Variants in SGCZ observed in about 807,000 individuals in gnomAD.
The protein encoded by SGCZ is sarcoglycan zeta.
In SGCZ, 40 loss-of-function variants were observed where a neutral mutation model predicts 41.3. That is an observed-to-expected ratio of 0.97 (90% CI 0.75 to 1.26). The LOEUF (loss-of-function observed/expected upper bound fraction) is 1.26. Ranked by LOEUF, SGCZ falls within the 50% of genes most tolerant of loss-of-function variation. The pLI is 0.00. For missense variants in SGCZ, 552 were observed against 369.8 expected, an observed-to-expected ratio of 1.49 and a Z score of -4.04; for synonymous variants, 206 against 137.5, an observed-to-expected ratio of 1.50 and a Z score of -3.49.
At chr8:14,705,326 G>A (rs180887442) in intron 1 of SGCZ, among the ~76,000 whole-genome samples, 1 of 152,048 alleles carries the variant, frequency 6.6e-6, no homozygotes, top group Non-Finnish European at 1.5e-5. Flanking sequence ...CAGGCACTTT[G>A]AAGTTTGACA....
intron 4 of SGCZ, among the ~76,000 whole-genome samples, chr8:14,212,270 A>T (rs1322667100): frequency 6.6e-6 from 1 of 152,032 alleles, no homozygotes; most frequent in African/African-American, 2.4e-5. Flanking sequence ...CAAGAGAAAA[A>T]GGCTAGTGAA....
chr8:14,441,664 CA>C (rs1293328863), intron 2 of SGCZ, among the ~76,000 whole-genome samples: 4 of 152,212 alleles, frequency 2.6e-5, no homozygotes, highest in Non-Finnish European at 4.4e-5. Flanking sequence ...ATTCATATCT[CA>C]AGGGTTTGGC....
chr8:15,063,949 A>G (rs1273334628), intron 1 of SGCZ, among the ~76,000 whole-genome samples: 2 of 152,186 alleles, frequency 1.3e-5, no homozygotes, highest in Non-Finnish European at 2.9e-5. Context: ...ATCACACACA[A>G]AAATGGTTAT....
At chr8:14,605,884 A>G (rs185767122) in intron 1 of SGCZ, among the ~76,000 whole-genome samples, 8 of 152,310 alleles carry the variant, frequency 5.3e-5, no homozygotes, top group Non-Finnish European at 1.0e-4. Flanking sequence ...TGCTGGAATG[A>G]AAAGATGAAG....
At chr8:14,745,521 G>A (rs1370837305) in intron 1 of SGCZ, among the ~76,000 whole-genome samples, 2 of 152,088 alleles carry the variant, frequency 1.3e-5, no homozygotes, top group African/African-American at 2.4e-5. Context: ...GTTTGAGGCT[G>A]CAGTGATCTA....
intron 1 of SGCZ, among the ~76,000 whole-genome samples, chr8:15,171,478 G>C (rs1031730744): frequency 1.3e-5 from 2 of 152,118 alleles, no homozygotes; most frequent in African/African-American, 4.8e-5. Context: ...CCACTGAAAG[G>C]ACACCAGCCC....
chr8:14,108,968 T>G (rs370936065), intron 5 of SGCZ, among the ~76,000 whole-genome samples: 23 of 152,280 alleles, frequency 1.5e-4, no homozygotes, highest in African/African-American at 5.5e-4. Flanking sequence ...TAGCAGGTCA[T>G]GAATGAAAAT....
chr8:14,807,512 C>G lies in SGCZ; in HGVS notation c.40-252586G>C, dbSNP rs559306027. On this transcript the variant is annotated intron_variant, in intron 1 of 7. Coordinates refer to ENST00000382080, the MANE Select transcript of SGCZ (RefSeq NM_139167.4). ...CAAAGAGAAGAAAATACCTAGGAAT[C>G]CAACTTACAAGGGATGTGAAGGACC... 5.6e-3 allele frequency among the ~76,000 whole-genome samples: 856 copies of G among 151,856 alleles called. 6 individuals are homozygous for G. The highest frequency in any genetic ancestry group is 0.02 in the African/African-American group (822 of 41,422).
intron 1 of SGCZ, among the ~76,000 whole-genome samples, chr8:14,797,262 G>A (rs1340241283): frequency 6.6e-6 from 1 of 152,084 alleles, no homozygotes; most frequent in Non-Finnish European, 1.5e-5. Context: ...AGAAAAGTTT[G>A]GAACTTCCTA....
Position 15,231,646 on chromosome 8 carries a change from G to A in SGCZ, c.39+5939C>T, listed in dbSNP as rs570385712. Among the ~76,000 whole-genome samples, 4 of 118,912 alleles carry A rather than the reference G, an allele frequency of 3.4e-5. No individual in the cohort carries two copies. The East Asian group carries it at 9.5e-4, about 28-fold the overall frequency. The allele number at this position is 118,912 out of a possible 152,430, so 78.0% of individuals were successfully genotyped here. ...TTTTTTTTTTTTTTTTTTGGAGACA[G>A]GTTCTCACTCTGTCACCCAGGCTGG... On this transcript the variant is annotated intron_variant, in intron 1 of 7. Transcript: ENST00000382080.
chr8:14,853,035 T>C (rs1803393152), intron 1 of SGCZ, among the ~76,000 whole-genome samples: 1 of 152,234 alleles, frequency 6.6e-6, no homozygotes, highest in African/African-American at 2.4e-5. Flanking sequence ...CTTCTGAGGA[T>C]ACATAGAAAG....
chr8:14,792,602 A>G (rs1191191925), intron 1 of SGCZ, among the ~76,000 whole-genome samples: 2 of 152,028 alleles, frequency 1.3e-5, no homozygotes, highest in Non-Finnish European at 1.5e-5. Flanking sequence ...GTTTTAGGGT[A>G]CATGTGCACA....
At chr8:15,167,013 TTTTG>T (rs1185175159) in intron 1 of SGCZ, among the ~76,000 whole-genome samples, 1 of 141,408 alleles carries the variant, frequency 7.1e-6, no homozygotes, top group Non-Finnish European at 1.5e-5. Context: ...CTGATTCTTG[TTTTG>T]TTTTTTTTTC....
intron 2 of SGCZ, among the ~76,000 whole-genome samples, chr8:14,345,230 A>C (rs1802853737): frequency 6.6e-6 from 1 of 152,138 alleles, no homozygotes; most frequent in South Asian, 2.1e-4. Context: ...ACAAGTTTTC[A>C]CTACACATCC....
chr8:14,308,039 C>T (rs1044207975), intron 3 of SGCZ, among the ~76,000 whole-genome samples: 2 of 151,902 alleles, frequency 1.3e-5, no homozygotes, highest in Admixed American at 1.3e-4. Context: ...TCATACGATT[C>T]GGGGGAACAA....
intron 1 of SGCZ, among the ~76,000 whole-genome samples, chr8:15,066,082 G>A (rs1022026420): frequency 1.3e-5 from 2 of 151,980 alleles, no homozygotes; most frequent in Non-Finnish European, 2.9e-5. Context: ...GCCGAGGCGG[G>A]TGGATCATGA....
intron 1 of SGCZ, among the ~76,000 whole-genome samples, chr8:14,603,062 G>C (rs1035473985): frequency 6.6e-6 from 1 of 152,116 alleles, no homozygotes; most frequent in East Asian, 1.9e-4. Context: ...ATTCTAGTAG[G>C]GGACTTGACA....
At chr8:14,765,567 C>A (rs967343990) in intron 1 of SGCZ, among the ~76,000 whole-genome samples, 9 of 152,148 alleles carry the variant, frequency 5.9e-5, no homozygotes, top group South Asian at 2.1e-4. Context: ...GGCAGATAAG[C>A]AAACAGGATG....
chr8:14,168,584 T>A (rs1804279059), intron 4 of SGCZ, among the ~76,000 whole-genome samples: 1 of 152,164 alleles, frequency 6.6e-6, no homozygotes, highest in Admixed American at 6.6e-5. Flanking sequence ...TTGCTCCTCC[T>A]TGCCTGCAGC....
Sources: allele counts gnomAD v4.1 joint callset (sites outside exome capture counted in the v4.1 genomes callset), GRCh38; gene constraint gnomAD v4.1.1; transcripts MANE v1.5; gene names NCBI Gene and HGNC (gene_info 2026-07-23, HGNC 2026-07-21).